The following CACNA2D3 variants were observed in gnomAD, a reference collection of about 807,000 sequenced individuals.
CACNA2D3 encodes the protein calcium voltage-gated channel auxiliary subunit alpha2delta 3.
A neutral mutation model predicts 160.6 loss-of-function variants in CACNA2D3; 60 were observed. The ratio of observed to expected loss-of-function variants is 0.37; its 90% confidence interval spans 0.30 to 0.46. The LOEUF (loss-of-function observed/expected upper bound fraction) is 0.46, where lower values mean the gene tolerates loss of function less well. CACNA2D3 is among the 20% of genes least tolerant of loss of function. CACNA2D3 has a pLI of 1.00. For missense variants in CACNA2D3, 1,205 were observed against 1,365.0 expected (o/e 0.88, Z 1.85); for synonymous variants, 558 against 492.9 (o/e 1.13, Z -1.75).
intron 2 of CACNA2D3, among the ~76,000 whole-genome samples, chr3:54,206,547 A>G (rs1307233008): frequency 6.6e-6 from 1 of 152,164 alleles, no homozygotes; most frequent in Non-Finnish European, 1.5e-5. Flanking sequence ...AAAAACTCAA[A>G]CAGTGAAACC....
chr3:54,335,722 C>T (rs755137662), intron 3 of CACNA2D3, among the ~76,000 whole-genome samples: 4 of 151,898 alleles, frequency 2.6e-5, no homozygotes, highest in African/African-American at 4.8e-5. Flanking sequence ...GATGGAGTTG[C>T]GGCCAGGCGC....
chr3:54,648,901 C>G (rs912391943), intron 11 of CACNA2D3, among the ~76,000 whole-genome samples: 5 of 152,154 alleles, frequency 3.3e-5, no homozygotes, highest in Non-Finnish European at 7.3e-5. Context: ...AATGATAACT[C>G]AGTCATTACC....
chr3:54,302,042 A>G (rs932392870), intron 2 of CACNA2D3, among the ~76,000 whole-genome samples: 6 of 152,214 alleles, frequency 3.9e-5, no homozygotes, highest in Admixed American at 2.6e-4. Context: ...TCACGTTGTT[A>G]CTTTTCTGAT....
At chr3:54,650,030 C>T (rs1460118368) in intron 11 of CACNA2D3, among the ~76,000 whole-genome samples, 6 of 152,126 alleles carry the variant, frequency 3.9e-5, no homozygotes, top group Admixed American at 1.3e-4. Context: ...TGTTAGATGT[C>T]ACTGCATGAA....
intron 5 of CACNA2D3, among the ~76,000 whole-genome samples, chr3:54,512,725 C>G (rs1404778051): frequency 1.3e-5 from 2 of 152,194 alleles, no homozygotes. Context: ...GTGTCCATGT[C>G]CTACTTCTTA....
chr3:54,871,776 G>A (rs1358247008), intron 18 of CACNA2D3, among the ~76,000 whole-genome samples, 154 bp downstream of exon 18: 1 of 134,842 alleles, frequency 7.4e-6, no homozygotes, highest in African/African-American at 2.4e-5. Context: ...TACCATGTGT[G>A]GAGTTTTATA....
chr3:54,719,791 G>T (rs1333121635), intron 11 of CACNA2D3, among the ~76,000 whole-genome samples: 2 of 151,950 alleles, frequency 1.3e-5, no homozygotes, highest in Non-Finnish European at 2.9e-5. Context: ...TTTGAGGGAA[G>T]ATTTTTCGTT....
chr3:54,479,906 C>T (rs1277270387), intron 4 of CACNA2D3, among the ~76,000 whole-genome samples: 1 of 152,082 alleles, frequency 6.6e-6, no homozygotes, highest in Non-Finnish European at 1.5e-5. Context: ...CTGGGAAATC[C>T]AGCTCTACTT....
At chr3:54,430,433 G>A (rs943883393) in intron 4 of CACNA2D3, among the ~76,000 whole-genome samples, 10 of 152,182 alleles carry the variant, frequency 6.6e-5, no homozygotes, top group African/African-American at 2.4e-4. Context: ...GATTGCCCAT[G>A]GATTATTTGG....
At chr3:54,712,343 G>A (rs1208562184) in intron 11 of CACNA2D3, among the ~76,000 whole-genome samples, 1 of 152,176 alleles carries the variant, frequency 6.6e-6, no homozygotes, top group East Asian at 1.9e-4. Context: ...CGCAAGGAGA[G>A]TAATATGGTT....
At chr3:54,698,668 A>G (rs1317178381) in intron 11 of CACNA2D3, among the ~76,000 whole-genome samples, 3 of 152,202 alleles carry the variant, frequency 2.0e-5, no homozygotes, top group African/African-American at 7.2e-5. Flanking sequence ...AAGTAAGCAG[A>G]ATTCTTATAG....
intron 4 of CACNA2D3, among the ~76,000 whole-genome samples, chr3:54,430,782 C>T (rs1270031353): frequency 1.3e-5 from 2 of 152,122 alleles, no homozygotes; most frequent in African/African-American, 4.8e-5. Context: ...AGGAAATTTG[C>T]TTGACAACTA....
intron 27 of CACNA2D3, among the ~76,000 whole-genome samples, chr3:54,951,996 C>T (rs1484785620): frequency 1.3e-5 from 2 of 152,126 alleles, no homozygotes; most frequent in Non-Finnish European, 2.9e-5. Flanking sequence ...CTACAGGTGC[C>T]TGCCACCATA....
intron 2 of CACNA2D3, among the ~76,000 whole-genome samples, chr3:54,160,478 C>T (rs1195265505): frequency 6.6e-6 from 1 of 151,968 alleles, no homozygotes; most frequent in East Asian, 1.9e-4. Context: ...CCAGCCTGGG[C>T]AACAGAGGGT....
At chr3:54,712,605 G>A (rs1037312161) in intron 11 of CACNA2D3, among the ~76,000 whole-genome samples, 6 of 152,334 alleles carry the variant, frequency 3.9e-5, no homozygotes, top group Non-Finnish European at 8.8e-5. Flanking sequence ...CTCCAGCCAC[G>A]TGGAACTGAG....
intron 13 of CACNA2D3, among the ~76,000 whole-genome samples, chr3:54,798,901 C>T (rs1702924833): frequency 6.6e-6 from 1 of 152,214 alleles, no homozygotes; most frequent in Admixed American, 6.5e-5. Flanking sequence ...TTTGCCCTTG[C>T]TCCATTACTC....
At chr3:54,466,668 A>C (rs1700632953) in intron 4 of CACNA2D3, among the ~76,000 whole-genome samples, 1 of 152,242 alleles carries the variant, frequency 6.6e-6, no homozygotes, top group African/African-American at 2.4e-5. Context: ...TCAAAAGAAG[A>C]AGCTTAGTAT....
Position 54,939,000 on chromosome 3 carries a change from C to T in CACNA2D3, c.2450-29450C>T, listed in dbSNP as rs145014835. ...TCTGAAAAGGGTAGCACACGTTAGA[C>T]AGCAAACTGGGACCAAGAGGAAACT... On this transcript the variant is annotated intron_variant, in intron 27 of 37. Transcript: ENST00000474759. 2.3e-3 allele frequency among the ~76,000 whole-genome samples: 347 copies of T among 152,278 alleles called. 1 individual carries two copies. The highest frequency in any genetic ancestry group is 7.8e-3 in the African/African-American group (326 of 41,568).
chr3:54,738,563 G>A (rs1701577584), intron 11 of CACNA2D3, among the ~76,000 whole-genome samples: 1 of 152,196 alleles, frequency 6.6e-6, no homozygotes, highest in Non-Finnish European at 1.5e-5. Context: ...ACAAGATAGA[G>A]GCCAGCTCTC....
Sources: allele counts gnomAD v4.1 joint callset (sites outside exome capture counted in the v4.1 genomes callset), GRCh38; gene constraint gnomAD v4.1.1; transcripts MANE v1.5; gene names NCBI Gene and HGNC (gene_info 2026-07-23, HGNC 2026-07-21).